Variants in ZNF385D observed in about 807,000 individuals in gnomAD.
The protein encoded by ZNF385D is zinc finger protein 659.
In ZNF385D, 15 loss-of-function variants were observed where a neutral mutation model predicts 35.8. The observed-to-expected ratio is 0.42, with a 90% confidence interval of 0.28 to 0.64. The LOEUF is 0.64. Among genes scored for constraint, ZNF385D ranks in the 30% least tolerant of loss-of-function variants. The probability of loss-of-function intolerance (pLI) is 0.23; values close to 1 mark genes in which losing one functional copy is unlikely to be tolerated. For synonymous variants in ZNF385D, 212 were observed against 186.8 expected, an observed-to-expected ratio of 1.13 and a Z score of -1.10; for missense variants, 474 against 494.6, an observed-to-expected ratio of 0.96 and a Z score of 0.39.
intron 3 of ZNF385D, among the ~76,000 whole-genome samples, chr3:22,107,590 T>C (rs966021037): frequency 2.6e-5 from 4 of 152,158 alleles, no homozygotes; most frequent in African/African-American, 9.6e-5. Flanking sequence ...TACATAATTT[T>C]ATTTAAAGTA....
chr3:22,220,120 G>A (rs1698162948), intron 2 of ZNF385D, among the ~76,000 whole-genome samples: 1 of 149,644 alleles, frequency 6.7e-6, no homozygotes, highest in South Asian at 2.1e-4. Context: ...CTGGATTGCA[G>A]TGGTAGGATC....
At chr3:22,342,984 T>C (rs542503518) in intron 2 of ZNF385D, among the ~76,000 whole-genome samples, 3 of 152,334 alleles carry the variant, frequency 2.0e-5, no homozygotes, top group Non-Finnish European at 2.9e-5. Flanking sequence ...AGATGTGCTG[T>C]TATGAACAAA....
intron 3 of ZNF385D, among the ~76,000 whole-genome samples, chr3:22,147,316 T>C (rs1340849940): frequency 6.6e-6 from 1 of 152,172 alleles, no homozygotes; most frequent in African/African-American, 2.4e-5. Context: ...TTGATGCCAG[T>C]TCCAACGGTA....
At chr3:21,623,761 G>A (rs764856882) in intron 2 of ZNF385D, among the ~76,000 whole-genome samples, 2 of 152,042 alleles carry the variant, frequency 1.3e-5, no homozygotes, top group Non-Finnish European at 1.5e-5. Flanking sequence ...TACCACAGCA[G>A]TTTTGCTTTG....
At chr3:21,493,277 C>A (rs1705572275) in intron 4 of ZNF385D, among the ~76,000 whole-genome samples, 1 of 152,068 alleles carries the variant, frequency 6.6e-6, no homozygotes, top group Non-Finnish European at 1.5e-5. Context: ...AGAGAGATAA[C>A]TATGATTTCT....
intron 3 of ZNF385D, among the ~76,000 whole-genome samples, chr3:22,155,201 T>G (rs1705508550): frequency 6.6e-6 from 1 of 152,046 alleles, no homozygotes. Flanking sequence ...TCAATAAAAA[T>G]AAATAAAAAG....
At chr3:21,619,353 C>A (rs188929624) in intron 2 of ZNF385D, among the ~76,000 whole-genome samples, 2 of 152,140 alleles carry the variant, frequency 1.3e-5, no homozygotes, top group Non-Finnish European at 1.5e-5. Flanking sequence ...TGATCACTAA[C>A]AAACAGTACA....
chr3:21,941,730 C>T (rs1701532079), intron 3 of ZNF385D, among the ~76,000 whole-genome samples: 1 of 151,966 alleles, frequency 6.6e-6, no homozygotes, highest in South Asian at 2.1e-4. Flanking sequence ...ATCTCCTGAC[C>T]TCGTGATCCG....
rs562520420 is a variant in ZNF385D, at chr3:21,546,844, C to T, written c.276+17730G>A. 2.7e-3 allele frequency among the ~76,000 whole-genome samples: 396 copies of T among 146,930 alleles called. 1 individual carries two copies. Among genetic ancestry groups the T allele is most frequent in the African/African-American group, 9.5e-3 (378 of 39,666 alleles). ...ATAATTCCTATTCTCTAGCCCCCCC[C>T]GCTTCATGGGTTCAAGTCACTTTTG... is the stretch of plus-strand genomic sequence containing the variant. On this transcript the variant is annotated intron_variant, in intron 3 of 7. Transcript: ENST00000281523.
At chr3:22,365,845 A>T (rs1228838155) in intron 2 of ZNF385D, among the ~76,000 whole-genome samples, 2 of 152,118 alleles carry the variant, frequency 1.3e-5, no homozygotes, top group African/African-American at 4.8e-5. Context: ...GCCCCTAGAC[A>T]TAGCATTCAC....
intron 2 of ZNF385D, among the ~76,000 whole-genome samples, chr3:21,605,932 A>C (rs2064465738): frequency 6.6e-6 from 1 of 152,120 alleles, no homozygotes; most frequent in Admixed American, 6.6e-5. Context: ...GAACACAGGA[A>C]AACCACGTAA....
At chr3:21,923,674 C>T (rs980602219) in intron 3 of ZNF385D, among the ~76,000 whole-genome samples, 5 of 149,446 alleles carry the variant, frequency 3.3e-5, no homozygotes, top group Admixed American at 2.0e-4. Context: ...TACTATGCAG[C>T]CATAAAAAAG....
chr3:22,121,439 C>G (rs1352518097), intron 3 of ZNF385D, among the ~76,000 whole-genome samples: 1 of 152,140 alleles, frequency 6.6e-6, no homozygotes, highest in Admixed American at 6.6e-5. Flanking sequence ...TAAATTGCCT[C>G]TTAATATGAT....
chr3:22,094,117 A>G (rs1490951562), intron 3 of ZNF385D, among the ~76,000 whole-genome samples: 1 of 152,030 alleles, frequency 6.6e-6, no homozygotes, highest in East Asian at 1.9e-4. Flanking sequence ...TTCATGTTTA[A>G]AAATACGTGT....
intron 2 of ZNF385D, among the ~76,000 whole-genome samples, chr3:21,655,575 A>G (rs2066049738): frequency 6.6e-6 from 1 of 152,034 alleles, no homozygotes; most frequent in African/African-American, 2.4e-5. Flanking sequence ...TTTTATAGTC[A>G]TTCAATCACA....
chr3:21,602,512 A>ATTTCCTTTTTTTTTTTTTTTT (rs2064329304), intron 2 of ZNF385D, among the ~76,000 whole-genome samples: 1 of 90,208 alleles, frequency 1.1e-5, no homozygotes. Flanking sequence ...GTTTCCCTGC[A>ATTTCCTTTTTTTTTTTTTTTT]TTTTCTTTTT....
At chr3:21,455,625 T>C (rs1702755942) in intron 4 of ZNF385D, among the ~76,000 whole-genome samples, 1 of 152,124 alleles carries the variant, frequency 6.6e-6, no homozygotes, top group African/African-American at 2.4e-5. Flanking sequence ...CCTAAAAGCA[T>C]AAAAACCCTA....
Position 21,969,225 on chromosome 3 carries a change from T to C in ZNF385D, c.325+199592A>G, listed in dbSNP as rs534692978. 1.4e-4 allele frequency among the ~76,000 whole-genome samples: 21 copies of C among 152,286 alleles called. 1 individual carries two copies. Among genetic ancestry groups the C allele is most frequent in the Admixed American group, 4.6e-4 (7 of 15,298 alleles). On this transcript the variant is annotated intron_variant, in intron 3 of 5. Coordinates refer to the ZNF385D transcript ENST00000494108. ...AATGAAGCACCAGGTAGATACCTGA[T>C]ATGTTTAGGCTTTGTGCCCCCACTC...
At chr3:21,728,807 C>G (rs2068872657) in intron 1 of ZNF385D, among the ~76,000 whole-genome samples, 1 of 152,194 alleles carries the variant, frequency 6.6e-6, no homozygotes, top group Non-Finnish European at 1.5e-5. Flanking sequence ...CCCTACACAG[C>G]TTTGCAGTCA....
Sources: gnomAD v4.1 joint callset for allele counts (sites outside exome capture counted in the v4.1 genomes callset) on GRCh38, gnomAD v4.1.1 for gene constraint, MANE v1.5 for transcripts, NCBI Gene and HGNC (gene_info 2026-07-23, HGNC 2026-07-21) for gene names.